Variants in CAMK2D observed in about 807,000 individuals in gnomAD.
CAMK2D encodes calcium/calmodulin-dependent protein kinase type II subunit delta.
Under a neutral mutation model 84.0 loss-of-function variants are expected in CAMK2D, and 37 were observed. The observed-to-expected ratio is 0.44, with a 90% confidence interval of 0.34 to 0.58. The LOEUF is 0.58. CAMK2D is among the 20% of genes least tolerant of loss of function. CAMK2D has a pLI of 0.02. For missense variants in CAMK2D, 448 were observed against 652.5 expected (o/e 0.69, Z 3.41); for synonymous variants, 202 against 212.5 (o/e 0.95, Z 0.43).
intron 16 of CAMK2D, among the ~76,000 whole-genome samples, chr4:113,486,639 G>C (rs2097768218): frequency 6.6e-6 from 1 of 152,134 alleles, no homozygotes; most frequent in African/African-American, 2.4e-5. Flanking sequence ...GCATGTTTAT[G>C]TTTTTCTTAT....
intron 4 of CAMK2D, among the ~76,000 whole-genome samples, chr4:113,581,779 A>C (rs1472564472): frequency 6.6e-6 from 1 of 152,178 alleles, no homozygotes; most frequent in African/African-American, 2.4e-5. Context: ...GGGATTAAGA[A>C]CATTAAATGT....
At chr4:113,714,277 T>C (rs9993234) in intron 2 of CAMK2D, among the ~76,000 whole-genome samples, 53,671 of 151,998 alleles carry the variant, frequency 0.35, 13,353 homozygotes, top group African/African-American at 0.71. Context: ...TCCTTTTCCC[T>C]GTACCAATAC....
intron 13 of CAMK2D, among the ~76,000 whole-genome samples, chr4:113,506,891 T>C (rs927852958): frequency 5.4e-5 from 8 of 147,182 alleles, no homozygotes; most frequent in African/African-American, 2.1e-4. Flanking sequence ...GTGCACATGT[T>C]CCCCCCCCCA....
intron 16 of CAMK2D, among the ~76,000 whole-genome samples, chr4:113,472,095 T>G (rs1466339303): frequency 6.6e-6 from 1 of 152,202 alleles, no homozygotes; most frequent in Non-Finnish European, 1.5e-5. Context: ...TCTTCCTGCG[T>G]GCTTCAGACC....
At chr4:113,603,959 AAAG>A (rs2098966867) in intron 4 of CAMK2D, among the ~76,000 whole-genome samples, 1 of 151,482 alleles carries the variant, frequency 6.6e-6, no homozygotes, top group Non-Finnish European at 1.5e-5. Flanking sequence ...AAAGAAAAAA[AAAG>A]AAGAAAATTT....
At chr4:113,688,828 G>A (rs1464506518) in intron 2 of CAMK2D, among the ~76,000 whole-genome samples, 3 of 141,702 alleles carry the variant, frequency 2.1e-5, no homozygotes, top group Non-Finnish European at 3.0e-5. Context: ...ACTGTTTTCA[G>A]TCTGTCTCAA....
chr4:113,714,433 T>C (rs151320922), intron 2 of CAMK2D, among the ~76,000 whole-genome samples: 5 of 152,118 alleles, frequency 3.3e-5, no homozygotes, highest in African/African-American at 4.8e-5. Context: ...AATCAACTTA[T>C]CTACTGAACA....
At chr4:113,469,583 C>A (rs1200141178) in intron 16 of CAMK2D, among the ~76,000 whole-genome samples, 1 of 152,174 alleles carries the variant, frequency 6.6e-6, no homozygotes, top group Non-Finnish European at 1.5e-5. Context: ...TGTTAACCTC[C>A]TTTCTAGACT....
intron 16 of CAMK2D, among the ~76,000 whole-genome samples, chr4:113,483,158 G>T (rs181010826): frequency 1.3e-5 from 2 of 152,316 alleles, no homozygotes; most frequent in African/African-American, 4.8e-5. Context: ...TGCACTAGCA[G>T]ATATAATTTC....
intron 13 of CAMK2D, among the ~76,000 whole-genome samples, chr4:113,505,394 TCA>T (rs2098115985): frequency 6.6e-6 from 1 of 152,238 alleles, no homozygotes; most frequent in African/African-American, 2.4e-5. Flanking sequence ...TTCCAATTGT[TCA>T]CAGTTATAAA....
At chr4:113,526,679 A>G (rs1021675364) in intron 8 of CAMK2D, among the ~76,000 whole-genome samples, 14 of 152,142 alleles carry the variant, frequency 9.2e-5, no homozygotes, top group African/African-American at 3.1e-4. Context: ...TATGAACTGT[A>G]TTACAGAAAT....
intron 13 of CAMK2D, among the ~76,000 whole-genome samples, chr4:113,506,431 T>C (rs1240314663): frequency 6.6e-6 from 1 of 152,218 alleles, no homozygotes; most frequent in Non-Finnish European, 1.5e-5. Flanking sequence ...CATCAATCTA[T>C]ATTCTGCAGA....
At chr4:113,477,076 A>G (rs1005816674) in intron 16 of CAMK2D, among the ~76,000 whole-genome samples, 2 of 152,158 alleles carry the variant, frequency 1.3e-5, no homozygotes, top group Non-Finnish European at 2.9e-5. Flanking sequence ...GATGCCCTGC[A>G]ATAACTAAAC....
At chr4:113,567,168 CTTTTTTTTTT>C (rs1317760050) in intron 4 of CAMK2D, among the ~76,000 whole-genome samples, 3 of 129,388 alleles carry the variant, frequency 2.3e-5, no homozygotes, top group Non-Finnish European at 4.9e-5. Context: ...TTTTCTTTTC[CTTTTTTTTTT>C]TTTTTTTGAG....
intron 4 of CAMK2D, among the ~76,000 whole-genome samples, chr4:113,608,939 G>GTTAAGGTTAATTCAAA (rs1341477545): frequency 1.3e-5 from 2 of 152,116 alleles, no homozygotes; most frequent in Non-Finnish European, 2.9e-5. Context: ...TTTCACTTAG[G>GTTAAGGTTAATTCAAA]TTAAGGTTAA....
intron 16 of CAMK2D, among the ~76,000 whole-genome samples, chr4:113,472,274 C>T (rs1386595241): frequency 1.3e-5 from 2 of 152,044 alleles, no homozygotes; most frequent in Non-Finnish European, 2.9e-5. Flanking sequence ...ATATAAAATA[C>T]TGTGTACATT....
chr4:113,670,166 C>T (rs2099274336), intron 2 of CAMK2D, among the ~76,000 whole-genome samples: 1 of 152,242 alleles, frequency 6.6e-6, no homozygotes, highest in African/African-American at 2.4e-5. Flanking sequence ...CCTGTACTCC[C>T]AGCTACTCTG....
intron 2 of CAMK2D, among the ~76,000 whole-genome samples, chr4:113,731,866 G>A (rs1453974250): frequency 6.6e-6 from 1 of 152,110 alleles, no homozygotes; most frequent in African/African-American, 2.4e-5. Flanking sequence ...TTACAGGTGT[G>A]AGCCACCGCA....
intron 16 of CAMK2D, among the ~76,000 whole-genome samples, chr4:113,467,352 C>G (rs1160597799): frequency 6.6e-6 from 1 of 152,178 alleles, no homozygotes; most frequent in Admixed American, 6.5e-5. Flanking sequence ...TACTTTCACT[C>G]TGAAACTTCA....
Sources: gnomAD v4.1 joint callset for allele counts (sites outside exome capture counted in the v4.1 genomes callset) on GRCh38, gnomAD v4.1.1 for gene constraint, MANE v1.5 for transcripts, NCBI Gene and HGNC (gene_info 2026-07-23, HGNC 2026-07-21) for gene names.